Variants in CATSPERG observed in about 807,000 individuals in gnomAD.
The protein encoded by CATSPERG is catsper channel auxiliary subunit gamma.
A neutral mutation model predicts 145.0 loss-of-function variants in CATSPERG; 115 were observed. That is an observed-to-expected ratio of 0.79 (90% CI 0.68 to 0.93). The LOEUF (loss-of-function observed/expected upper bound fraction) is 0.93, where lower values mean the gene tolerates loss of function less well. Ranked by LOEUF, CATSPERG falls within the 40% of genes least tolerant of loss-of-function variation. CATSPERG has a pLI of 0.00. For synonymous variants in CATSPERG, 588 were observed against 589.0 expected, an observed-to-expected ratio of 1.00 and a Z score of 0.02; for missense variants, 1,296 against 1,490.1, an observed-to-expected ratio of 0.87 and a Z score of 2.14.
chr19:38,362,849 A>AGTT lies in CATSPERG; in HGVS notation c.2475+19_2475+21dup. 1.4e-6 allele frequency: 1 copy of AGTT among 728,480 alleles called. No homozygotes were observed. The highest frequency in any genetic ancestry group is 3.5e-4 in the Middle Eastern group (1 of 2,888). The allele number at this position is 728,480 out of a possible 1,614,324, so 45.1% of individuals were successfully genotyped here. On this transcript the variant is annotated intron_variant, in intron 20 of 28. Transcript: ENST00000409235. ...CTATTTTCGGTGAGGCCCCCCGGGG[A>AGTT]GTTGGGATCAAGGGAGGTTTTGTTT...
intron 3 of CATSPERG, 85 bp downstream of exon 3, chr19:38,337,731 T>A (rs1267593581): frequency 2.3e-6 from 3 of 1,293,462 alleles, no homozygotes; most frequent in Non-Finnish European, 2.1e-6. Flanking sequence ...TTTATTTTAT[T>A]TTTTTGAGAC....
At chr19:38,343,446 C>A in intron 3 of CATSPERG, 134 bp from the exon 4 acceptor site, 1 of 799,256 alleles carries the variant, frequency 1.3e-6, no homozygotes, top group Non-Finnish European at 1.9e-6. Flanking sequence ...TAGACCATGT[C>A]CTCTGACCAT....
intron 22 of CATSPERG, chr19:38,366,349 G>T (rs1420032978): frequency 6.6e-6 from 1 of 152,282 alleles, no homozygotes; most frequent in Non-Finnish European, 1.5e-5. Flanking sequence ...GGTTGTAACA[G>T]CCCCCACCTC....
intron 8 of CATSPERG, among the ~76,000 whole-genome samples, chr19:38,354,054 C>T (rs1437656533): frequency 2.0e-5 from 3 of 151,966 alleles, no homozygotes; most frequent in East Asian, 3.9e-4. Context: ...CAGTTTCTCC[C>T]GCCATCTCAG....
intron 7 of CATSPERG, chr19:38,349,547 G>C (rs943620204): frequency 2.0e-5 from 3 of 152,274 alleles, no homozygotes; most frequent in Admixed American, 1.3e-4. Context: ...CCCAGGAAAC[G>C]AATCCTCCCC....
intron 14 of CATSPERG, chr19:38,359,968 C>T: frequency 9.6e-7 from 1 of 1,041,426 alleles, no homozygotes; most frequent in Non-Finnish European, 1.2e-6. Context: ...TTGTGCATGT[C>T]AGGGAGGGCT....
At chr19:38,362,167 C>G in intron 17 of CATSPERG, 43 bp from the exon 18 acceptor site, 1 of 1,553,068 alleles carries the variant, frequency 6.4e-7, no homozygotes, top group Non-Finnish European at 8.7e-7. Context: ...GAGGCTCTCG[C>G]CCCGCTGCCC....
chr19:38,354,653 G>T (rs1970211007), intron 8 of CATSPERG, 57 bp from the exon 9 acceptor site: 1 of 1,590,824 alleles, frequency 6.3e-7, no homozygotes, highest in Non-Finnish European at 8.6e-7. Flanking sequence ...TGTGGGCAGG[G>T]GGCAGAGGCC....
At chr19:38,359,651 C>T in intron 14 of CATSPERG, 70 bp downstream of exon 14, 1 of 1,534,478 alleles carries the variant, frequency 6.5e-7, no homozygotes, top group Admixed American at 2.0e-5. Flanking sequence ...CCTCTTTCCC[C>T]CGTCACAGTA....
intron 7 of CATSPERG, among the ~76,000 whole-genome samples, chr19:38,350,472 G>A (rs185818107): frequency 1.3e-5 from 2 of 152,226 alleles, no homozygotes; most frequent in South Asian, 2.1e-4. Context: ...TTGCCTCCTG[G>A]GTTCAAGCGA....
rs144627746 is a variant in CATSPERG, at chr19:38,339,312, G to C, written c.324+1666G>C. Among the ~76,000 whole-genome samples the C allele has an allele frequency of 9.1e-3, 1,381 of 152,272 alleles. 29 individuals carry two copies. The highest frequency in any genetic ancestry group is 0.086 in the East Asian group (446 of 5,188). On this transcript the variant is annotated intron_variant, in intron 3 of 28. Transcript: ENST00000409235. ...AGAGCCATGAGCCCTGGATTCTATC[G>C]AGGCCATGAGGGATTTTATGCCCTT...
intron 1 of CATSPERG, chr19:38,336,384 A>T (rs1305196894): frequency 2.8e-6 from 1 of 354,904 alleles, no homozygotes; most frequent in East Asian, 8.5e-5. Context: ...GCGCGGGAAG[A>T]ACCAATCGCC....
intron 26 of CATSPERG, chr19:38,369,314 G>A (rs1396442728): frequency 6.5e-6 from 1 of 154,408 alleles, no homozygotes; most frequent in African/African-American, 2.4e-5. Flanking sequence ...AGGCTGGAGT[G>A]CAGTAGTACA....
At chr19:38,363,666 CTT>C (rs1970393220) in intron 20 of CATSPERG, among the ~76,000 whole-genome samples, 1 of 151,742 alleles carries the variant, frequency 6.6e-6, no homozygotes, top group South Asian at 2.1e-4. Context: ...GGTGATGACT[CTT>C]AACGAGCATG....
chr19:38,362,506 G>T lies in CATSPERG; in HGVS notation c.2288G>T (p.Gly763Val). Reference protein sequence around the residue: ...ELPERIFLDKGTEYSFAIFLS... With the variant: ...ELPERIFLDKVTEYSFAIFLS... ...CCGGAGCGCATTTTCCTGGACAAGG[G>T]CACTGAGTACAGCTTCGCCATCTTC... Residue 763 changes from glycine (G) to valine (V), a missense_variant, in exon 19 of 29, where the codon GGC becomes GTC. Transcript: ENST00000409235. The T allele has an allele frequency of 6.2e-7, 1 of 1,613,916 alleles. No homozygotes were observed. The highest frequency in any genetic ancestry group is 8.5e-7 in the Non-Finnish European group (1 of 1,180,034).
intron 7 of CATSPERG, 54 bp downstream of exon 7, chr19:38,346,659 C>T (rs1404108473): frequency 2.7e-6 from 4 of 1,488,486 alleles, no homozygotes; most frequent in Non-Finnish European, 2.7e-6. Flanking sequence ...AGCTGGGCCT[C>T]AGCCCCTGAA....
At chr19:38,340,885 G>A (rs1425504893) in intron 3 of CATSPERG, among the ~76,000 whole-genome samples, 3 of 133,224 alleles carry the variant, frequency 2.3e-5, no homozygotes, top group Non-Finnish European at 4.9e-5. Context: ...GAGGTAATAC[G>A]TTAGAAAGGA....
At chr19:38,350,604 C>A (rs1202652839) in intron 7 of CATSPERG, among the ~76,000 whole-genome samples, 1 of 152,090 alleles carries the variant, frequency 6.6e-6, no homozygotes. Flanking sequence ...GTTTTGAACT[C>A]CTGGCCTCAA....
chr19:38,365,358 C>T, intron 22 of CATSPERG: 3 of 472,092 alleles, frequency 6.4e-6, no homozygotes, highest in South Asian at 2.6e-5. Flanking sequence ...GCTCACTTTG[C>T]CTCCTTGGCT....
Sources: allele counts gnomAD v4.1 joint callset (sites outside exome capture counted in the v4.1 genomes callset), GRCh38; gene constraint gnomAD v4.1.1; transcripts MANE v1.5; gene names NCBI Gene and HGNC (gene_info 2026-07-23, HGNC 2026-07-21).